Variants in SVOPL observed in about 807,000 individuals in gnomAD.
SVOPL encodes the protein putative transporter SVOPL.
A neutral mutation model predicts 61.0 loss-of-function variants in SVOPL; 60 were observed. The observed-to-expected ratio is 0.98, with a 90% CI of 0.80 to 1.22. The LOEUF (loss-of-function observed/expected upper bound fraction) is 1.22. Among genes scored for constraint, SVOPL ranks in the 50% most tolerant of loss-of-function variants. The probability of loss-of-function intolerance (pLI) is 0.00; values close to 1 mark genes in which losing one functional copy is unlikely to be tolerated. For synonymous variants in SVOPL, 279 were observed against 250.0 expected (o/e 1.12, Z -1.09); for missense variants, 662 against 643.9 (o/e 1.03, Z -0.30).
Position 138,594,598 on chromosome 7 carries a change from C to CT in SVOPL, c.*11dup. 6.3e-7 allele frequency: 1 copy of CT among 1,594,318 alleles called. No individual in the cohort carries two copies. The highest frequency in any genetic ancestry group is 8.5e-7 in the Non-Finnish European group (1 of 1,171,462). On this transcript the variant is annotated 3_prime_UTR_variant, in exon 16 of 16. Coordinates refer to ENST00000674285, the MANE Select transcript of SVOPL (RefSeq NM_001139456.2). ...CATTTTTCTCATCTGGTAGACATAG[C>CT]TTTGCAGGTCTTCATTTAATTTGCT... is the stretch of plus-strand genomic sequence containing the variant.
In SVOPL at chr7:138,666,689, CTGTT is replaced by C. The variant is rs143667429; in HGVS notation, c.274-3548_274-3545del. ...GCAGCTTATACAGAGAGTGCACAAA[CTGTT>C]TGTTTTCTGTAGTTCACCTTTGACA... is the stretch of plus-strand genomic sequence containing the variant. On this transcript the variant is annotated intron_variant, in intron 4 of 15. Transcript: ENST00000674285. Among the ~76,000 whole-genome samples, 281 of 152,324 alleles carry C rather than the reference CTGTT, an allele frequency of 1.8e-3. 1 individual carries two copies. Among genetic ancestry groups the C allele is most frequent in the African/African-American group, 6.4e-3 (267 of 41,572 alleles).
intron 7 of SVOPL, among the ~76,000 whole-genome samples, chr7:138,655,304 G>T (rs1365076846): frequency 6.6e-6 from 1 of 152,160 alleles, no homozygotes; most frequent in Non-Finnish European, 1.5e-5. Context: ...AGGAGTTTGA[G>T]ACCAGCCTGG....
intron 5 of SVOPL, chr7:138,660,691 G>T: frequency 1.0e-6 from 1 of 985,380 alleles, no homozygotes; most frequent in Non-Finnish European, 1.2e-6. Context: ...TAGCAAGCTA[G>T]ATTTCTGGAA....
At chr7:138,603,746 C>T (rs1441927171) in intron 14 of SVOPL, among the ~76,000 whole-genome samples, 1 of 152,048 alleles carries the variant, frequency 6.6e-6, no homozygotes, top group African/African-American at 2.4e-5. Flanking sequence ...TTGTAATCTG[C>T]AGCTAATGAA....
chr7:138,680,025 C>T (rs2117123889), intron 1 of SVOPL, among the ~76,000 whole-genome samples: 1 of 152,246 alleles, frequency 6.6e-6, no homozygotes, highest in Non-Finnish European at 1.5e-5. Flanking sequence ...AGCCTGGGGC[C>T]AGACGCAGGC....
chr7:138,689,113 C>A, intron 1 of SVOPL: 1 of 800,836 alleles, frequency 1.2e-6, no homozygotes. Flanking sequence ...TGAAAAGCCA[C>A]GAAGTATCTG....
At chr7:138,665,329 A>G (rs192084648) in intron 4 of SVOPL, among the ~76,000 whole-genome samples, 3 of 151,132 alleles carry the variant, frequency 2.0e-5, no homozygotes, top group Admixed American at 2.0e-4. Context: ...GACAGTGACA[A>G]TGTTGCTCAT....
intron 8 of SVOPL, among the ~76,000 whole-genome samples, chr7:138,646,915 T>C (rs888256000): frequency 6.6e-6 from 1 of 152,118 alleles, no homozygotes; most frequent in African/African-American, 2.4e-5. Flanking sequence ...ACCTGGGGCC[T>C]GTGTGTGATT....
intron 13 of SVOPL, 98 bp downstream of exon 13, chr7:138,625,871 A>G (rs1799868167): frequency 3.3e-6 from 4 of 1,210,696 alleles, no homozygotes; most frequent in Non-Finnish European, 4.7e-6. Context: ...AAAATCATCA[A>G]AAGTCAACAG....
chr7:138,696,229 C>T (rs1340308181), intron 1 of SVOPL, among the ~76,000 whole-genome samples: 12 of 151,420 alleles, frequency 7.9e-5, no homozygotes, highest in Middle Eastern at 3.4e-3. Flanking sequence ...TGTTTTTTTT[C>T]TTTTTTCTTT....
At chr7:138,614,858 G>A (rs1033067484) in intron 14 of SVOPL, among the ~76,000 whole-genome samples, 5 of 152,204 alleles carry the variant, frequency 3.3e-5, no homozygotes, top group Non-Finnish European at 5.9e-5. Context: ...TCTCTTTGAG[G>A]AGATTTTATA....
In SVOPL at chr7:138,662,010, T is replaced by C. The variant is rs2117081222; in HGVS notation, c.345+1064A>G. 2 of 985,380 alleles carry C rather than the reference T, an allele frequency of 2.0e-6. 1 individual carries two copies. Among genetic ancestry groups the C allele is most frequent in the East Asian group, 2.3e-4 (2 of 8,798 alleles). The allele number at this position is 985,380 out of a possible 1,614,324, so 61.0% of individuals were successfully genotyped here. On this transcript the variant is annotated intron_variant, in intron 5 of 15. Coordinates refer to ENST00000674285, the MANE Select transcript of SVOPL (RefSeq NM_001139456.2). ...CACTGCGTTCCCCTAACTCCAGAGG[T>C]TTCACTGGGGGCAAAAGGGTGAGTC...
chr7:138,609,514 C>T (rs1664464402), intron 14 of SVOPL, among the ~76,000 whole-genome samples: 1 of 147,450 alleles, frequency 6.8e-6, no homozygotes, highest in South Asian at 2.2e-4. Flanking sequence ...AAAAAAATAG[C>T]AGGGTGTGGT....
chr7:138,637,413 G>C (rs1800519041), intron 9 of SVOPL, among the ~76,000 whole-genome samples: 2 of 128,924 alleles, frequency 1.6e-5, no homozygotes, highest in South Asian at 5.1e-4. Flanking sequence ...AGGTGACAGA[G>C]CAAGACTCCA....
chr7:138,672,904 C>CAAAA (rs71179720), intron 3 of SVOPL, among the ~76,000 whole-genome samples: 8 of 103,716 alleles, frequency 7.7e-5, no homozygotes, highest in African/African-American at 2.3e-4. Context: ...GTTTGTCTCT[C>CAAAA]AAAAAAAAAA....
intron 1 of SVOPL, among the ~76,000 whole-genome samples, chr7:138,680,587 G>A (rs1304258874): frequency 6.6e-6 from 1 of 151,232 alleles, no homozygotes; most frequent in Non-Finnish European, 1.5e-5. Flanking sequence ...GTGTGTGTGT[G>A]TGTGTGTGTG....
chr7:138,693,116 T>A lies in SVOPL; in HGVS notation c.-35+8062A>T, dbSNP rs542085652. Among the ~76,000 whole-genome samples the A allele has an allele frequency of 3.5e-4, 54 of 152,318 alleles. No individual in the cohort carries two copies. The South Asian group carries it at 8.3e-3, about 23-fold the overall frequency. On this transcript the variant is annotated intron_variant, in intron 1 of 15. Coordinates refer to ENST00000674285, the MANE Select transcript of SVOPL (RefSeq NM_001139456.2). ...TGACCTAAATTACTTTTCTTGTGAG[T>A]AATGGATTGATACTGTCATAAACCA...
Position 138,649,038 on chromosome 7 carries a change from C to T in SVOPL, c.634G>A (p.Gly212Ser). ...RWLIRVASIP[G>S]IILIVAFKFI... ...TTGAAGGCCACGATGAGGATGATGC[C>T]CGGGATGGAGGCGACGCGAATGAGC... Residue 212 changes from glycine (G) to serine (S), a missense_variant, in exon 8 of 16, where the codon GGC becomes AGC. By Grantham distance (56) the Gly-to-Ser change is moderately conservative (BLOSUM62 0). Transcript: ENST00000674285. The T allele has an allele frequency of 6.2e-7, 1 of 1,613,684 alleles. No individual in the cohort carries two copies. Among genetic ancestry groups the T allele is most frequent in the East Asian group, 2.2e-5 (1 of 44,836 alleles).
intron 1 of SVOPL, among the ~76,000 whole-genome samples, chr7:138,694,499 G>T (rs1402611214): frequency 6.6e-6 from 1 of 152,070 alleles, no homozygotes; most frequent in East Asian, 1.9e-4. Flanking sequence ...ACCTGCCTCT[G>T]CCTCCCAAAG....
Sources: allele counts gnomAD v4.1 joint callset (sites outside exome capture counted in the v4.1 genomes callset), GRCh38; gene constraint gnomAD v4.1.1; transcripts MANE v1.5; gene names NCBI Gene and HGNC (gene_info 2026-07-23, HGNC 2026-07-21).